ANO9: variants seen among roughly 807,000 people sequenced by gnomAD.
ANO9 encodes the protein anoctamin-9.
A neutral mutation model predicts 100.5 loss-of-function variants in ANO9; 80 were observed. That is an observed-to-expected ratio of 0.80 (90% CI 0.66 to 0.96). ANO9 has a LOEUF of 0.96. Ranked by LOEUF, ANO9 falls within the 40% of genes least tolerant of loss-of-function variation. The pLI is 0.00. For synonymous variants in ANO9, 473 were observed against 435.6 expected, an observed-to-expected ratio of 1.09 and a Z score of -1.07; for missense variants, 1,064 against 1,072.7, an observed-to-expected ratio of 0.99 and a Z score of 0.11.
intron 1 of ANO9, among the ~76,000 whole-genome samples, chr11:440,998 C>T (rs191124396): frequency 1.0e-3 from 155 of 152,376 alleles, no homozygotes; most frequent in African/African-American, 3.1e-3. Context: ...TCTCCTCTAA[C>T]CCCCAGCATG....
chr11:437,900 T>A (rs1489277185), intron 1 of ANO9, among the ~76,000 whole-genome samples: 2 of 152,124 alleles, frequency 1.3e-5, no homozygotes, highest in Admixed American at 6.5e-5. Flanking sequence ...CCCCCTCACA[T>A]CAGCCTGGGC....
Position 432,032 on chromosome 11 carries a change from A to G in ANO9, c.373T>C (p.Phe125Leu). The G allele has an allele frequency of 1.9e-6, 3 of 1,612,942 alleles. No homozygotes were observed. Among genetic ancestry groups the G allele is most frequent in the South Asian group, 1.1e-5 (1 of 91,080 alleles). ...GAGGTCTTGTTGTTCATGACAACGA[A>G]GTTCACGATTCGGATTCTGAGACTC... is the stretch of plus-strand genomic sequence containing the variant. ...TTSLRIRIVN[F>L]VVMNNKTSAG... The change falls in exon 5 of 23, where the codon TTC becomes CTC. Residue 125 changes from phenylalanine (F) to leucine (L), a missense_variant. Transcript: ENST00000332826. The surrounding 1 kb of genome is among the most constrained non-coding windows in gnomAD (Gnocchi z 4.8).
chr11:419,406 AG>A (rs1848040710), intron 20 of ANO9, 175 bp downstream of exon 20: 5 of 1,426,316 alleles, frequency 3.5e-6, no homozygotes, highest in Non-Finnish European at 3.7e-6. Flanking sequence ...CCTCCAGCCC[AG>A]GGCCTGCCGT....
intron 15 of ANO9, among the ~76,000 whole-genome samples, chr11:424,805 G>A (rs1848397065): frequency 6.6e-6 from 1 of 152,154 alleles, no homozygotes; most frequent in Non-Finnish European, 1.5e-5. Flanking sequence ...AAAAAATAAA[G>A]AGGAAACAAA....
At chr11:433,204 G>T in intron 4 of ANO9, 110 bp downstream of exon 4, 2 of 1,449,440 alleles carry the variant, frequency 1.4e-6, no homozygotes, top group African/African-American at 1.4e-5. Flanking sequence ...CCACACGGCT[G>T]TCCTGCCTTG....
rs956821778 is a variant in ANO9, at chr11:422,065, G to A, written c.1335-867C>T. ...TCGAGTGCTCAAGTGGATACAAAAC[G>A]AGCATCCAGCAGAACTGGCTTTTCC... is the stretch of plus-strand genomic sequence containing the variant. On this transcript the variant is annotated intron_variant, in intron 15 of 22. Transcript: ENST00000332826. The surrounding 1 kb of genome is among the most constrained non-coding windows in gnomAD (Gnocchi z 4.3). Among the ~76,000 whole-genome samples, 1 of 152,168 alleles carries A rather than the reference G, an allele frequency of 6.6e-6. No homozygotes were observed. Among genetic ancestry groups the A allele is most frequent in the Non-Finnish European group, 1.5e-5 (1 of 68,040 alleles).
chr11:427,574 A>G (rs1310364968), intron 15 of ANO9, among the ~76,000 whole-genome samples: 1 of 151,914 alleles, frequency 6.6e-6, no homozygotes, highest in Non-Finnish European at 1.5e-5. Flanking sequence ...TCTACAAAAA[A>G]TATTAAAATT....
intron 1 of ANO9, among the ~76,000 whole-genome samples, chr11:437,298 A>G (rs1363683966): frequency 1.3e-5 from 2 of 152,070 alleles, no homozygotes; most frequent in Non-Finnish European, 2.9e-5. Context: ...GGTGCTGAAA[A>G]GGTTGGGGAG....
At chr11:431,930 C>T in intron 5 of ANO9, 24 bp from the exon 6 acceptor site, 1 of 1,611,576 alleles carries the variant, frequency 6.2e-7, no homozygotes, top group Non-Finnish European at 8.5e-7. Context: ...GTTCACGAGT[C>T]AGGGGGAGTG....
chr11:418,159 T>G lies in ANO9; in HGVS notation c.*212A>C. ...TGCCCAGGGTCACCCAGAGTTCAAG[T>G]CAGGGCTGTGCCAAGCCTGAGAGCC... is the stretch of plus-strand genomic sequence containing the variant. On this transcript the variant is annotated 3_prime_UTR_variant, in exon 23 of 23. Transcript: ENST00000332826. The G allele has an allele frequency of 1.7e-6, 1 of 577,384 alleles. No homozygotes were observed. The highest frequency in any genetic ancestry group is 3.0e-6 in the Non-Finnish European group (1 of 331,088). The allele number at this position is 577,384 out of a possible 1,614,324, so 35.8% of individuals were successfully genotyped here.
chr11:436,832 A>G (rs1394124360), intron 1 of ANO9, among the ~76,000 whole-genome samples: 1 of 610 alleles, frequency 1.6e-3, no homozygotes, highest in Admixed American at 0.012. Context: ...GTGAGCAGGG[A>G]GTGAGCTGGG....
chr11:434,057 G>A lies in ANO9; in HGVS notation c.48C>T (p.Asp16=), dbSNP rs1457418959. 3.9e-6 allele frequency: 6 copies of A among 1,550,896 alleles called. No individual in the cohort carries two copies. In the African/African-American group the frequency reaches 8.2e-5, roughly 21 times the overall value. The change falls in exon 2 of 23, where the codon GAC becomes GAT. Residue 16 remains aspartate (D), a synonymous_variant. Transcript: ENST00000332826. ...SLRILVEPEG[D]SFPLMEISTC... ...TGCTGATCTCCATCAGCGGGAAGCT[G>A]TCCCCTTCGGGCTCCACCAGGATCC...
In ANO9 at chr11:418,517, C is replaced by G. The variant is rs778925997; in HGVS notation, c.2203G>C (p.Val735Leu). The G allele has an allele frequency of 1.2e-6, 2 of 1,613,088 alleles. No homozygotes were observed. The highest frequency in any genetic ancestry group is 1.7e-6 in the Non-Finnish European group (2 of 1,180,016). ...AGCCTCTGGTACTTCACCTCCAGAA[C>G]CTTGTTCTTCACCGACTGAGGGATG... ...PDIPQSVKNKVLEVKYQRLRE... is the reference protein window; with the variant it reads ...PDIPQSVKNKLLEVKYQRLRE... The change falls in exon 23 of 23, where the codon GTT becomes CTT. Residue 735 changes from valine (V) to leucine (L), a missense_variant. By Grantham distance (32) the Val-to-Leu change is conservative. Coordinates refer to ENST00000332826, the MANE Select transcript of ANO9 (RefSeq NM_001012302.3).
In ANO9 at chr11:433,413, T is replaced by C; in HGVS notation, c.251A>G (p.Asn84Ser). 6.2e-7 allele frequency: 1 copy of C among 1,613,242 alleles called. No homozygotes were observed. Among genetic ancestry groups the C allele is most frequent in the African/African-American group, 1.3e-5 (1 of 75,014 alleles). ...AGTGCGGTACAGGCCAAAGACACTG[T>C]TGTCAGCACGGATCCCAAAGAAGAC... is the stretch of plus-strand genomic sequence containing the variant. ...KQVFFGIRAD[N>S]SVFGLYRTLL... The change falls in exon 4 of 23, where the codon AAC (asparagine) becomes AGC (serine). Residue 84 changes from asparagine (N) to serine (S), a missense_variant. Asn to Ser is a conservative substitution (Grantham distance 46). Coordinates refer to ENST00000332826, the MANE Select transcript of ANO9 (RefSeq NM_001012302.3).
intron 15 of ANO9, among the ~76,000 whole-genome samples, chr11:424,966 A>T (rs1848406698): frequency 1.3e-5 from 2 of 151,300 alleles, no homozygotes; most frequent in African/African-American, 4.9e-5. Context: ...CGGCGCGGAG[A>T]CGGGACGCGC....
chr11:424,337 T>C (rs980873977), intron 15 of ANO9, among the ~76,000 whole-genome samples: 2 of 152,212 alleles, frequency 1.3e-5, no homozygotes, highest in Non-Finnish European at 2.9e-5. Flanking sequence ...GACCTCCCCA[T>C]GCAAAGAGGC....
In ANO9 at chr11:433,178, G is replaced by A. The variant is rs550964772; in HGVS notation, c.350+136C>T. 50 of 1,232,526 alleles carry A rather than the reference G, an allele frequency of 4.1e-5. 1 individual carries two copies. In the South Asian group the frequency reaches 8.3e-4, roughly 20 times the overall value. 76.3% of individuals were successfully genotyped at this position (1,232,526 alleles called of 1,614,324 possible). ...CACAGCCAGTGGGTCTCACACCTGTGGCCCCTGCCCTGAGACCACACGGCT... is the reference window on the plus strand; with the variant it reads ...CACAGCCAGTGGGTCTCACACCTGTAGCCCCTGCCCTGAGACCACACGGCT... On this transcript the variant is annotated intron_variant, in intron 4 of 22. Coordinates refer to ENST00000332826, the MANE Select transcript of ANO9 (RefSeq NM_001012302.3).
In ANO9 at chr11:441,931, G is replaced by A; in HGVS notation, c.-5C>T. 1.2e-6 allele frequency: 2 copies of A among 1,607,564 alleles called. No homozygotes were observed. The highest frequency in any genetic ancestry group is 1.7e-6 in the Non-Finnish European group (2 of 1,179,244). On this transcript the variant is annotated 5_prime_UTR_variant, in exon 1 of 23. Coordinates refer to ENST00000332826, the MANE Select transcript of ANO9 (RefSeq NM_001012302.3). ...GAGCGCAGGACTCACCTGCATGCTG[G>A]CTGTGGCCGGAGTTCCAGCTGGGGT...
intron 9 of ANO9, 34 bp from the exon 10 acceptor site, chr11:429,852 G>T: frequency 6.4e-7 from 1 of 1,554,720 alleles, no homozygotes. Context: ...GAGAGGAGGT[G>T]GGTGAGCTGG....
Sources: allele counts gnomAD v4.1 joint callset (sites outside exome capture counted in the v4.1 genomes callset), GRCh38; gene constraint gnomAD v4.1.1; non-coding constraint Gnocchi (gnomAD v3.1); transcripts MANE v1.5; gene names NCBI Gene and HGNC (gene_info 2026-07-23, HGNC 2026-07-21).